SRPRA: variants seen among roughly 807,000 people sequenced by gnomAD.
SRPRA encodes the protein signal recognition particle receptor subunit alpha.
Under a neutral mutation model 61.1 loss-of-function variants are expected in SRPRA, and 30 were observed. The ratio of observed to expected loss-of-function variants is 0.49; its 90% CI spans 0.37 to 0.67. The LOEUF (loss-of-function observed/expected upper bound fraction) is 0.67. SRPRA is among the 30% of genes least tolerant of loss of function. The pLI is 0.00. For synonymous variants in SRPRA, 324 were observed against 299.7 expected (o/e 1.08, Z -0.84); for missense variants, 759 against 828.4 (o/e 0.92, Z 1.03).
rs369914595 is a variant in SRPRA, at chr11:126,266,849, G to A, written c.600C>T (p.Asn200=). Residue 200 remains asparagine, a synonymous_variant, in exon 5 of 14, where the codon AAC becomes AAT. Coordinates refer to ENST00000332118, the MANE Select transcript of SRPRA (RefSeq NM_003139.4). ...GCTCCTCTTTGGAAAGTTCTACTCC[G>A]TTCTCAGGACCCACTGGAAGACCTG... ...EKSGLPVGPE[N]GVELSKEELI... 105 of 1,614,174 alleles carry A rather than the reference G, an allele frequency of 6.5e-5. No homozygotes were observed. The highest frequency in any genetic ancestry group is 1.6e-4 in the Middle Eastern group (1 of 6,062).
In SRPRA at chr11:126,266,859, C is replaced by A. The variant is rs370762702; in HGVS notation, c.590G>T (p.Gly197Val). ...GGAAAGTTCTACTCCGTTCTCAGGA[C>A]CCACTGGAAGACCTGACTTTTCTGC... ...VPAEKSGLPVGPENGVELSKE... is the reference protein window; with the variant it reads ...VPAEKSGLPVVPENGVELSKE... Residue 197 changes from glycine to valine, a missense_variant, in exon 5 of 14, where the codon GGT becomes GTT. Physicochemically the swap from Gly to Val is moderately radical, Grantham distance 109 (BLOSUM62 -3). Transcript: ENST00000332118. 15 of 1,614,096 alleles carry A rather than the reference C, an allele frequency of 9.3e-6. No homozygotes were observed. The highest frequency in any genetic ancestry group is 1.6e-4 in the Middle Eastern group (1 of 6,084).
the SRPRA span, among the ~76,000 whole-genome samples, chr11:126,251,325 A>C: frequency 6.6e-6 from 1 of 152,176 alleles, no homozygotes; most frequent in Non-Finnish European, 1.5e-5. Context: ...TTTTTCCTAC[A>C]CTTTGTTTTC....
At chr11:126,262,057 G>C (rs536168717), downstream of SRPRA, 12 of 1,563,380 alleles carry the variant, frequency 7.7e-6, no homozygotes, top group South Asian at 1.2e-4. Flanking sequence ...AGTATCTGCA[G>C]CTTCCAATGT....
the SRPRA span, chr11:126,250,738 AAAGT>A: frequency 1.3e-6 from 2 of 1,598,558 alleles, no homozygotes; most frequent in African/African-American, 2.7e-5. This position sits in a 1 kb window ranked among gnomAD's most constrained non-coding sequence, Gnocchi z 5.1. Context: ...AAAAAGGTAA[AAAGT>A]AAAGCATTGG....
chr11:126,255,332 A>G, the SRPRA span, among the ~76,000 whole-genome samples: 2 of 152,210 alleles, frequency 1.3e-5, no homozygotes, highest in Admixed American at 6.5e-5. The surrounding 1 kb of genome is among the most constrained non-coding windows in gnomAD (Gnocchi z 4.6). Context: ...ATCTTTTAAT[A>G]ATGAGGCAAA....
chr11:126,263,913 A>G lies in SRPRA; in HGVS notation c.*3T>C. The G allele has an allele frequency of 6.2e-7, 1 of 1,613,792 alleles. No homozygotes were observed. Among genetic ancestry groups the G allele is most frequent in the Non-Finnish European group, 8.5e-7 (1 of 1,179,904 alleles). On this transcript the variant is annotated 3_prime_UTR_variant, in exon 14 of 14. Transcript: ENST00000332118. ...GGCGATTTGGTATTGGGCAAGAGCC[A>G]CGTTAAGCCTTCATGAGGGCAGCCA...
the SRPRA span, among the ~76,000 whole-genome samples, chr11:126,253,637 C>G: frequency 3.3e-5 from 5 of 152,150 alleles, no homozygotes; most frequent in Admixed American, 1.3e-4. The surrounding 1 kb of genome is among the most constrained non-coding windows in gnomAD (Gnocchi z 5.1). Flanking sequence ...GTGACTCAGC[C>G]AGGCATTTTT....
the SRPRA span, among the ~76,000 whole-genome samples, chr11:126,255,066 A>C: frequency 6.6e-6 from 1 of 152,206 alleles, no homozygotes; most frequent in African/African-American, 2.4e-5. This position sits in a 1 kb window ranked among gnomAD's most constrained non-coding sequence, Gnocchi z 4.6. Context: ...TGTGTCAGAA[A>C]TAATTGAGGC....
downstream of SRPRA, chr11:126,261,320 C>T (rs1591533774): frequency 1.2e-6 from 1 of 846,672 alleles, no homozygotes; most frequent in Non-Finnish European, 1.9e-6. Flanking sequence ...AATGCCCATT[C>T]CTTTTCAGTC....
In SRPRA at chr11:126,267,751, T is replaced by C. The variant is rs1437487856; in HGVS notation, c.202-39A>G. 6.2e-7 allele frequency: 1 copy of C among 1,612,066 alleles called. No homozygotes were observed. Among genetic ancestry groups the C allele is most frequent in the East Asian group, 2.2e-5 (1 of 44,840 alleles). On this transcript the variant is annotated intron_variant, in intron 2 of 13. Coordinates refer to ENST00000332118, the MANE Select transcript of SRPRA (RefSeq NM_003139.4). This position sits in a 1 kb window ranked among gnomAD's most constrained non-coding sequence, Gnocchi z 4.2. ...GAAACAGCCAACAGATCTGCTTACA[T>C]ACTAGCCTAGAATGGAGGGACGCCA... is the stretch of plus-strand genomic sequence containing the variant.
downstream of SRPRA, chr11:126,262,268 G>A: frequency 3.6e-6 from 3 of 842,682 alleles, no homozygotes; most frequent in Non-Finnish European, 5.8e-6. Context: ...GGGCGGGGTA[G>A]AAGAGGGGGG....
chr11:126,267,754 T>C lies in SRPRA; in HGVS notation c.202-42A>G, dbSNP rs1180631191. The stretch of plus-strand genomic sequence containing the variant: ...ACAGCCAACAGATCTGCTTACATAC[T>C]AGCCTAGAATGGAGGGACGCCAACT... On this transcript the variant is annotated intron_variant, in intron 2 of 13. Transcript: ENST00000332118. This position sits in a 1 kb window ranked among gnomAD's most constrained non-coding sequence, Gnocchi z 4.2. The C allele has an allele frequency of 3.1e-6, 5 of 1,606,724 alleles. No individual in the cohort carries two copies. The highest frequency in any genetic ancestry group is 4.3e-6 in the Non-Finnish European group (5 of 1,175,210).
Position 126,267,627 on chromosome 11 carries a change from G to T in SRPRA, c.287C>A (p.Thr96Lys), listed in dbSNP as rs1395884511. 1 of 1,614,010 alleles carries T rather than the reference G, an allele frequency of 6.2e-7. No homozygotes were observed. The highest frequency in any genetic ancestry group is 8.5e-7 in the Non-Finnish European group (1 of 1,180,044). ...VHRLFRDKYRTEIQQQSALSL... is the reference protein window; with the variant it reads ...VHRLFRDKYRKEIQQQSALSL... ...TAAAGCACTTTGCTGTTGGATCTCTGTGCGGTACTTGTCCCGAAACAGCCG... is the reference window on the plus strand; with the variant it reads ...TAAAGCACTTTGCTGTTGGATCTCTTTGCGGTACTTGTCCCGAAACAGCCG... Residue 96 changes from threonine (T) to lysine (K), a missense_variant, in exon 3 of 14, where the codon ACA becomes AAA. Thr to Lys is a moderately conservative substitution (Grantham distance 78, BLOSUM62 -1). Around this residue, in one of 2 missense-constraint regions of SRPRA, gnomAD observed 475 missense variants for 462.5 expected, o/e 1.03. Coordinates refer to ENST00000332118, the MANE Select transcript of SRPRA (RefSeq NM_003139.4). This position sits in a 1 kb window ranked among gnomAD's most constrained non-coding sequence, Gnocchi z 4.2.
the SRPRA span, among the ~76,000 whole-genome samples, chr11:126,237,518 G>A: frequency 2.8e-5 from 4 of 143,514 alleles, no homozygotes; most frequent in Non-Finnish European, 4.6e-5. Context: ...GATGACAGGC[G>A]TGAGCCACCC....
rs150144207 is a variant in SRPRA, at chr11:126,265,656, G to T, written c.1138+81C>A. The T allele has an allele frequency of 6.5e-5, 98 of 1,506,548 alleles. No homozygotes were observed. Among genetic ancestry groups the T allele is most frequent in the Non-Finnish European group, 8.3e-5 (91 of 1,090,322 alleles). 93.3% of individuals were successfully genotyped at this position (1,506,548 alleles called of 1,614,324 possible). A position where few individuals can be genotyped will look rare whatever the true frequency, so the allele number is the denominator to read the frequency against. ...AGGTTTAGAGGTTAAGGAATTTGCC[G>T]AAAGTCACATACCTAGTAAGAACTG... On this transcript the variant is annotated intron_variant, in intron 9 of 13. Coordinates refer to ENST00000332118, the MANE Select transcript of SRPRA (RefSeq NM_003139.4). This position sits in a 1 kb window ranked among gnomAD's most constrained non-coding sequence, Gnocchi z 6.3.
the SRPRA span, among the ~76,000 whole-genome samples, chr11:126,240,305 A>C: frequency 6.9e-6 from 1 of 145,366 alleles, no homozygotes; most frequent in Non-Finnish European, 1.5e-5. Context: ...GTTAATGTTT[A>C]CAAAATTCAG....
At chr11:126,240,746 A>G in the SRPRA span, 6 of 1,532,956 alleles carry the variant, frequency 3.9e-6, no homozygotes, top group South Asian at 6.4e-5. Flanking sequence ...TGTGTGCCTC[A>G]TATCTATTGG....
the SRPRA span, among the ~76,000 whole-genome samples, chr11:126,242,604 C>T: frequency 6.6e-6 from 1 of 152,182 alleles, no homozygotes; most frequent in Non-Finnish European, 1.5e-5. Context: ...AAAGAAGATA[C>T]ACAAACGGCC....
the SRPRA span, among the ~76,000 whole-genome samples, chr11:126,253,179 T>C: frequency 6.6e-6 from 1 of 152,264 alleles, no homozygotes; most frequent in South Asian, 2.1e-4. The surrounding 1 kb of genome is among the most constrained non-coding windows in gnomAD (Gnocchi z 5.1). Context: ...CTATCACATT[T>C]GATGTTTTCC....
Sources: gnomAD v4.1 joint callset for allele counts (sites outside exome capture counted in the v4.1 genomes callset) on GRCh38, gnomAD v4.1.1 for gene constraint, gnomAD v4.1.1 regional missense constraint, Gnocchi (gnomAD v3.1) non-coding constraint, MANE v1.5 for transcripts, NCBI Gene and HGNC (gene_info 2026-07-23, HGNC 2026-07-21) for gene names.